Variants in GDPD2 observed in about 807,000 individuals in gnomAD.
The protein encoded by GDPD2 is glycerophosphodiester phosphodiesterase 3.
GDPD2 carries 23 observed loss-of-function variants against 49.2 expected under a neutral mutation model. That is an observed-to-expected ratio of 0.47 (90% confidence interval 0.34 to 0.66). The LOEUF (loss-of-function observed/expected upper bound fraction) is 0.66, where lower values mean the gene tolerates loss of function less well. GDPD2 is among the 30% of genes least tolerant of loss of function. The pLI, the probability that GDPD2 is intolerant of heterozygous loss-of-function variation, is 0.01. For synonymous variants in GDPD2, 167 were observed against 171.4 expected, an observed-to-expected ratio of 0.97 and a Z score of 0.20; for missense variants, 338 against 424.7, an observed-to-expected ratio of 0.80 and a Z score of 1.79.
rs2086460796 is a variant in GDPD2, at chrX:70,429,969, A to G, written c.1213A>G (p.Met405Val). ...TAATGTCCAACGACGGGCACCTGGA[A>G]TGCGCCAGATATATGGACGTCAGGG... ...RANVQRRAPGMRQIYGRQGGN... is the reference protein window; with the variant it reads ...RANVQRRAPGVRQIYGRQGGN... The change falls in exon 12 of 16, where the codon ATG becomes GTG. Residue 405 changes from methionine to valine, a missense_variant. Physicochemically the swap from Met to Val is conservative, Grantham distance 21. Coordinates refer to ENST00000374382, the MANE Select transcript of GDPD2 (RefSeq NM_017711.4). 4.1e-6 allele frequency: 5 copies of G among 1,209,456 alleles called. No individual in the cohort carries two copies. In the South Asian group the frequency reaches 7.0e-5, roughly 17 times the overall value.
chrX:70,427,099 C>A, intron 8 of GDPD2, 38 bp from the exon 9 acceptor site: 3 of 1,176,805 alleles, frequency 2.5e-6, no homozygotes, highest in Non-Finnish European at 3.5e-6. Context: ...CAGTCTCCCA[C>A]CCTTCCCTGC....
At chrX:70,430,105 T>C in intron 12 of GDPD2, 42 bp downstream of exon 12, 12 of 1,116,048 alleles carry the variant, frequency 1.1e-5, no homozygotes, top group Non-Finnish European at 1.5e-5. Flanking sequence ...CACATGAGGC[T>C]TAATGGCAGG....
intron 10 of GDPD2, chrX:70,427,719 A>G (rs1224449179): frequency 3.4e-6 from 1 of 291,710 alleles, no homozygotes; most frequent in East Asian, 5.5e-5. Flanking sequence ...TTCTTCTAAG[A>G]TGCACAAAGC....
Position 70,430,006 on chromosome X carries a change from C to A in GDPD2, c.1250C>A (p.Thr417Lys). The A allele has an allele frequency of 8.3e-7, 1 of 1,209,804 alleles. No homozygotes were observed. Among genetic ancestry groups the A allele is most frequent in the Non-Finnish European group, 1.1e-6 (1 of 893,813 alleles). The change falls in exon 12 of 16, where the codon ACG becomes AAG. Residue 417 changes from threonine to lysine, a missense_variant. Physicochemically the swap from Thr to Lys is moderately conservative, Grantham distance 78. Coordinates refer to ENST00000374382, the MANE Select transcript of GDPD2 (RefSeq NM_017711.4). Reference protein sequence around the residue: ...QIYGRQGGNRTERPQFLNLPY... With the variant: ...QIYGRQGGNRKERPQFLNLPY... ...TATGGACGTCAGGGAGGCAACAGAA[C>A]GGAGAGGCCCCAGTTTCTTAACCTC...
At chrX:70,426,304 G>A in intron 5 of GDPD2, 67 bp from the exon 6 acceptor site, 3 of 968,583 alleles carry the variant, frequency 3.1e-6, no homozygotes, top group Non-Finnish European at 4.4e-6. Flanking sequence ...TCTATAGAGT[G>A]AAGGAGCAGC....
chrX:70,424,498 G>A (rs2086403713), intron 1 of GDPD2, among the ~76,000 whole-genome samples: 1 of 111,745 alleles, frequency 8.9e-6, no homozygotes, highest in African/African-American at 3.3e-5. Flanking sequence ...TTTGCTTCAG[G>A]TTACTCCTGC....
At position 70,424,978 on chromosome X, in the gene GDPD2, C is replaced by T; in HGVS notation, c.-7C>T. The T allele has an allele frequency of 3.4e-6, 4 of 1,170,560 alleles. No homozygotes were observed. Among genetic ancestry groups the T allele is most frequent in the Non-Finnish European group, 4.6e-6 (4 of 867,949 alleles). On this transcript the variant is annotated splice_region_variant and 5_prime_UTR_variant, in exon 2 of 16. Transcript: ENST00000374382. Reference sequence around the variant, plus strand: ...TGGTCGAGTGTCCCTTCCCCCAGGCCTTCACCATGGCCGAGTCCCCCGGCT... The same window carrying T: ...TGGTCGAGTGTCCCTTCCCCCAGGCTTTCACCATGGCCGAGTCCCCCGGCT...
Position 70,425,826 on chromosome X carries a change from T to C in GDPD2, c.273T>C (p.Ser91=). 1 of 1,186,236 alleles carries C rather than the reference T, an allele frequency of 8.4e-7. No individual in the cohort carries two copies. Among genetic ancestry groups the C allele is most frequent in the Non-Finnish European group, 1.1e-6 (1 of 872,644 alleles). The change falls in exon 4 of 16, where the codon TCT becomes TCC. Residue 91 remains serine, a synonymous_variant. Transcript: ENST00000374382. ...DWSLAFLLVI[S]LLVTYASLLL... ...CCCTGGCATTCCTGCTGGTCATCTCTCTACTGGTCACATATGCATCCTTGC... is the reference window on the plus strand; with the variant it reads ...CCCTGGCATTCCTGCTGGTCATCTCCCTACTGGTCACATATGCATCCTTGC...
chrX:70,430,952 AT>A (rs557583589), intron 12 of GDPD2: 63,712 of 319,895 alleles, frequency 0.2, 214 homozygotes, highest in East Asian at 0.24. Flanking sequence ...ATGCAAGGCT[AT>A]TTTTTTTTTT....
intron 1 of GDPD2, among the ~76,000 whole-genome samples, chrX:70,423,910 C>CA (rs1197554525): frequency 2.7e-5 from 3 of 111,740 alleles, no homozygotes; most frequent in Non-Finnish European, 5.6e-5. Flanking sequence ...CACACATGCT[C>CA]ACACACTTTG....
chrX:70,423,710 G>A (rs184161282), intron 1 of GDPD2, among the ~76,000 whole-genome samples: 5 of 110,846 alleles, frequency 4.5e-5, no homozygotes, highest in African/African-American at 1.6e-4. Context: ...TAGAGGGGAG[G>A]GGTTTCCTTC....
At position 70,429,731 on chromosome X, in the gene GDPD2, C is replaced by T; in HGVS notation, c.1158+17C>T. On this transcript the variant is annotated intron_variant, in intron 11 of 15. Coordinates refer to ENST00000374382, the MANE Select transcript of GDPD2 (RefSeq NM_017711.4). ...CAAGCCATGGTGATGTTGCCAGGAC[C>T]CCCTCTCCCCACCCTGCCTTCCCTA... The T allele has an allele frequency of 2.7e-6, 3 of 1,128,452 alleles. No individual in the cohort carries two copies. The highest frequency in any genetic ancestry group is 6.0e-5 in the East Asian group (2 of 33,259). 93.0% of individuals were successfully genotyped at this position (1,128,452 alleles called of 1,213,427 possible).
At chrX:70,430,952 A>T (rs939223649) in intron 12 of GDPD2, 64 of 377,888 alleles carry the variant, frequency 1.7e-4, no homozygotes, top group Non-Finnish European at 2.6e-4. Flanking sequence ...ATGCAAGGCT[A>T]TTTTTTTTTT....
Position 70,429,941 on chromosome X carries a change from G to A in GDPD2, c.1185G>A (p.Arg395=). 2 of 1,211,363 alleles carry A rather than the reference G, an allele frequency of 1.7e-6. No homozygotes were observed. The highest frequency in any genetic ancestry group is 2.2e-6 in the Non-Finnish European group (2 of 894,930). Reference sequence around the variant, plus strand: ...TCTTTTGGCTACCAGATGAAGATCGGGCTAATGTCCAACGACGGGCACCTG... The same window carrying A: ...TCTTTTGGCTACCAGATGAAGATCGAGCTAATGTCCAACGACGGGCACCTG... The part of the protein sequence containing the change: ...AMVFWLPDED[R]ANVQRRAPGM... The change falls in exon 12 of 16, where the codon CGG becomes CGA. Residue 395 remains arginine, a synonymous_variant. Transcript: ENST00000374382.
chrX:70,425,515 G>A (rs762842458), intron 3 of GDPD2, 58 bp downstream of exon 3: 4 of 812,011 alleles, frequency 4.9e-6, no homozygotes, highest in Non-Finnish European at 7.5e-6. Context: ...TCCCCACCCT[G>A]GGACCCGGGG....
rs996562323 is a variant in GDPD2 at position 70,432,722 on chromosome X, G to A, written c.1538+61G>A. The stretch of plus-strand genomic sequence containing the variant: ...CTTTCTCCAGGGCCCTGGTGATGAG[G>A]CTGCTTCAGACTCACATATGCTGCC... On this transcript the variant is annotated intron_variant, in intron 14 of 15. Transcript: ENST00000374382. The A allele has an allele frequency of 1.0e-5, 9 of 871,676 alleles. No individual in the cohort carries two copies. In the Middle Eastern group the frequency reaches 1.6e-3, roughly 159 times the overall value. The allele number at this position is 871,676 out of a possible 1,213,427, so 71.8% of individuals were successfully genotyped here.
Position 70,429,501 on chromosome X carries a change from C to T in GDPD2, c.945C>T (p.Pro315=), listed in dbSNP as rs1371790555. The T allele has an allele frequency of 1.7e-6, 2 of 1,198,242 alleles. No homozygotes were observed. Among genetic ancestry groups the T allele is most frequent in the Admixed American group, 2.2e-5 (1 of 45,855 alleles). The part of the protein sequence containing the change: ...NAGSWFLERR[P]FWGAKPLAGP... ...ATTGTTCTTTCTTATAGAGGCGACC[C>T]TTCTGGGGGGCCAAACCGCTGGCAG... The change falls in exon 11 of 16, where the codon CCC becomes CCT. Residue 315 remains proline (P), a synonymous_variant. Coordinates refer to ENST00000374382, the MANE Select transcript of GDPD2 (RefSeq NM_017711.4).
At chrX:70,429,797 C>G in intron 11 of GDPD2, 83 bp downstream of exon 11, 1 of 1,067,893 alleles carries the variant, frequency 9.4e-7, no homozygotes, top group Non-Finnish European at 1.3e-6. Context: ...GCCCCTACCC[C>G]CAGGGCCCTG....
Position 70,427,000 on chromosome X carries a change from GGGGCCCCCAT to G in GDPD2, c.694_702+1del. ...CAAGCCTGGGCTGGTGGGACACCGA[GGGGCCCCCAT>G]GGTGAGTGTTGGACAGAATGCTGGG... On this transcript the variant is annotated frameshift_variant and splice_region_variant, in exon 8 of 16. Transcript: ENST00000374382. LOFTEE classifies it high-confidence loss of function. 8.3e-7 allele frequency: 1 copy of G among 1,210,993 alleles called. No homozygotes were observed. Among genetic ancestry groups the G allele is most frequent in the African/African-American group, 1.7e-5 (1 of 57,823 alleles).
Sources: allele counts gnomAD v4.1 joint callset (sites outside exome capture counted in the v4.1 genomes callset), GRCh38; gene constraint gnomAD v4.1.1; transcripts MANE v1.5; gene names NCBI Gene and HGNC (gene_info 2026-07-23, HGNC 2026-07-21).